RANBP2: variants seen among roughly 807,000 people sequenced by gnomAD.
RANBP2 encodes the protein E3 SUMO-protein ligase RanBP2.
Under a neutral mutation model 303.6 loss-of-function variants are expected in RANBP2, and 57 were observed. The observed-to-expected ratio is 0.19, with a 90% CI of 0.15 to 0.23. The LOEUF (loss-of-function observed/expected upper bound fraction) is 0.23, where lower values mean the gene tolerates loss of function less well. Among genes scored for constraint, RANBP2 ranks in the 10% least tolerant of loss-of-function variants. The probability of loss-of-function intolerance (pLI) is 1.00; values close to 1 mark genes in which losing one functional copy is unlikely to be tolerated. For synonymous variants in RANBP2, 1,167 were observed against 1,301.5 expected, an observed-to-expected ratio of 0.90 and a Z score of 2.23; for missense variants, 3,138 against 3,780.8, an observed-to-expected ratio of 0.83 and a Z score of 4.46.
the RANBP2 span, among the ~76,000 whole-genome samples, chr2:109,422,281 G>A: frequency 6.6e-6 from 1 of 152,246 alleles, no homozygotes; most frequent in South Asian, 2.1e-4. Context: ...TGGGGCTGAT[G>A]TGAAAGTCAG....
chr2:109,248,478 T>C, the RANBP2 span, among the ~76,000 whole-genome samples: 1 of 152,354 alleles, frequency 6.6e-6, no homozygotes, highest in South Asian at 2.1e-4. Context: ...ATCAAAGTCA[T>C]TTATGCAGGC....
chr2:108,966,809 G>T, the RANBP2 span, among the ~76,000 whole-genome samples: 1 of 152,214 alleles, frequency 6.6e-6, no homozygotes, highest in African/African-American at 2.4e-5. Flanking sequence ...TGATTGCCTG[G>T]GGACCACTAT....
At chr2:109,692,594 G>C in the RANBP2 span, among the ~76,000 whole-genome samples, 756 of 152,254 alleles carry the variant, frequency 5.0e-3, 6 homozygotes, top group Non-Finnish European at 6.9e-3. Context: ...GGCCGAGGCC[G>C]TGTGGGAGAA....
At chr2:108,896,105 C>G in the RANBP2 span, 1 of 152,158 alleles carries the variant, frequency 6.6e-6, no homozygotes, top group South Asian at 2.1e-4. Context: ...GGTTCCCAGG[C>G]CAAAGAGTAA....
At chr2:109,050,413 C>T in the RANBP2 span, among the ~76,000 whole-genome samples, 1 of 142,174 alleles carries the variant, frequency 7.0e-6, no homozygotes, top group Non-Finnish European at 1.6e-5. Context: ...GCCACCACAC[C>T]AGGCGAATTT....
the RANBP2 span, among the ~76,000 whole-genome samples, chr2:109,217,857 C>T: frequency 6.6e-6 from 1 of 152,210 alleles, no homozygotes; most frequent in African/African-American, 2.4e-5. Context: ...GCCCCCATCT[C>T]CCCCATACAG....
chr2:108,730,359 C>T (rs1340193365), intron 2 of RANBP2, among the ~76,000 whole-genome samples: 2 of 150,810 alleles, frequency 1.3e-5, no homozygotes, highest in Admixed American at 1.3e-4. Flanking sequence ...AAATGTATTT[C>T]CCTTTGTTGT....
the RANBP2 span, among the ~76,000 whole-genome samples, chr2:108,808,129 C>T: frequency 1.3e-5 from 2 of 152,160 alleles, no homozygotes; most frequent in Admixed American, 1.3e-4. Flanking sequence ...TCAGGTTCAT[C>T]CATGTTGCTG....
chr2:108,926,234 G>A, the RANBP2 span, among the ~76,000 whole-genome samples: 4 of 152,164 alleles, frequency 2.6e-5, no homozygotes, highest in Admixed American at 1.3e-4. Flanking sequence ...CAGAGTGTCC[G>A]GTCCCTTCGT....
chr2:109,715,960 G>A, the RANBP2 span, among the ~76,000 whole-genome samples: 1 of 152,190 alleles, frequency 6.6e-6, no homozygotes, highest in Non-Finnish European at 1.5e-5. Context: ...AGGGCAAGTA[G>A]TGTAAACCAA....
At chr2:109,223,393 C>T in the RANBP2 span, among the ~76,000 whole-genome samples, 1 of 152,152 alleles carries the variant, frequency 6.6e-6, no homozygotes, top group African/African-American at 2.4e-5. Flanking sequence ...TAGGAGCTGC[C>T]GTGTGCTCGC....
chr2:108,828,256 G>C, the RANBP2 span, among the ~76,000 whole-genome samples: 1 of 151,906 alleles, frequency 6.6e-6, no homozygotes, highest in Admixed American at 6.6e-5. Context: ...GAACAAGGAA[G>C]GTTTTTAATG....
the RANBP2 span, among the ~76,000 whole-genome samples, chr2:108,952,118 T>C: frequency 2.0e-5 from 3 of 152,226 alleles, no homozygotes; most frequent in African/African-American, 4.8e-5. Context: ...GTTAGGCACA[T>C]TGAAGAAGGT....
the RANBP2 span, chr2:108,876,337 T>C: frequency 1.3e-6 from 1 of 752,916 alleles, no homozygotes; most frequent in Non-Finnish European, 2.1e-6. Flanking sequence ...TTCTACCAAG[T>C]AAAGTTATCA....
the RANBP2 span, among the ~76,000 whole-genome samples, chr2:109,056,244 GTGATCT>G: frequency 6.6e-6 from 1 of 152,146 alleles, no homozygotes. Context: ...ATAGCTCACT[GTGATCT>G]TGAACTCCTG....
At chr2:109,437,288 A>G in the RANBP2 span, 2 of 1,350,900 alleles carry the variant, frequency 1.5e-6, no homozygotes, top group Non-Finnish European at 2.0e-6. Flanking sequence ...AAACTTAAGG[A>G]AAACCGGTTT....
chr2:109,646,217 G>A, the RANBP2 span, among the ~76,000 whole-genome samples: 1 of 152,172 alleles, frequency 6.6e-6, no homozygotes, highest in Admixed American at 6.5e-5. Flanking sequence ...CCCAGAAAGT[G>A]GCACTGGCTT....
chr2:109,288,052 C>G, the RANBP2 span, among the ~76,000 whole-genome samples: 5 of 152,196 alleles, frequency 3.3e-5, no homozygotes, highest in African/African-American at 1.2e-4. Context: ...TTGAGCTGTC[C>G]CATTGTCACA....
the RANBP2 span, among the ~76,000 whole-genome samples, chr2:109,399,479 A>G: frequency 6.6e-6 from 1 of 151,918 alleles, no homozygotes; most frequent in Non-Finnish European, 1.5e-5. Flanking sequence ...AAGTAACCAA[A>G]GCAAAGTATT....
Sources: gnomAD v4.1 joint callset for allele counts (sites outside exome capture counted in the v4.1 genomes callset) on GRCh38, gnomAD v4.1.1 for gene constraint, MANE v1.5 for transcripts, NCBI Gene and HGNC (gene_info 2026-07-23, HGNC 2026-07-21) for gene names.